MPZL3: variants seen among roughly 807,000 people sequenced by gnomAD.
MPZL3 encodes myelin protein zero-like protein 3.
In MPZL3, 23 loss-of-function variants were observed where a neutral mutation model predicts 24.8. The ratio of observed to expected loss-of-function variants is 0.93; its 90% CI spans 0.67 to 1.31. MPZL3 has a LOEUF of 1.31. Ranked by LOEUF, MPZL3 falls within the 40% of genes most tolerant of loss-of-function variation. The probability of loss-of-function intolerance (pLI) is 0.00; values close to 1 mark genes in which losing one functional copy is unlikely to be tolerated. For missense variants in MPZL3, 277 were observed against 294.9 expected (o/e 0.94, Z 0.44); for synonymous variants, 99 against 106.5 (o/e 0.93, Z 0.44).
intron 1 of MPZL3, among the ~76,000 whole-genome samples, chr11:118,242,247 T>A (rs1949506741): frequency 6.6e-6 from 1 of 152,192 alleles, no homozygotes; most frequent in Non-Finnish European, 1.5e-5. Context: ...ATGTCTTCAC[T>A]TGGAAAATGG....
At chr11:118,236,025 T>C (rs1477320972) in intron 3 of MPZL3, among the ~76,000 whole-genome samples, 5 of 152,226 alleles carry the variant, frequency 3.3e-5, no homozygotes, top group Non-Finnish European at 1.5e-5. Context: ...TTCAAGTTGG[T>C]TCGAATTCTT....
intron 5 of MPZL3, among the ~76,000 whole-genome samples, chr11:118,231,087 T>A (rs1439365874): frequency 6.6e-6 from 1 of 152,240 alleles, no homozygotes; most frequent in Non-Finnish European, 1.5e-5. Context: ...CTGCCTCCAA[T>A]GCATCTTTCT....
At chr11:118,236,652 C>A (rs199734739) in intron 3 of MPZL3, among the ~76,000 whole-genome samples, 1 of 152,228 alleles carries the variant, frequency 6.6e-6, no homozygotes, top group South Asian at 2.1e-4. Flanking sequence ...GAGGGGGTAC[C>A]CTTTCAAGAC....
In MPZL3 at chr11:118,235,549, G is replaced by T; in HGVS notation, c.492C>A (p.Ile164=). The T allele has an allele frequency of 6.2e-7, 1 of 1,613,970 alleles. No homozygotes were observed. Among genetic ancestry groups the T allele is most frequent in the Non-Finnish European group, 8.5e-7 (1 of 1,179,932 alleles). The change falls in exon 4 of 6, where the codon ATC becomes ATA. Residue 164 remains isoleucine, a synonymous_variant. Coordinates refer to ENST00000278949, the MANE Select transcript of MPZL3 (RefSeq NM_198275.3). ...CCACGGCTGAGGGCACAAAGACAAG[G>T]ATGGAAAGAAGGGCCACAGAGGAAA... ...TMLSSVALLS[I]LVFVPSAVVV...
chr11:118,231,703 A>G (rs111567382), intron 5 of MPZL3, among the ~76,000 whole-genome samples: 1 of 152,126 alleles, frequency 6.6e-6, no homozygotes, highest in Admixed American at 6.6e-5. Flanking sequence ...CCAAGTCAAG[A>G]ATCTTGGAAC....
At chr11:118,249,272 C>A (rs1410261299) in intron 1 of MPZL3, among the ~76,000 whole-genome samples, 1 of 152,142 alleles carries the variant, frequency 6.6e-6, no homozygotes, top group Admixed American at 6.5e-5. Context: ...GTGCTAGTTA[C>A]CCATGTGTGT....
chr11:118,246,081 C>T (rs1949553450), intron 1 of MPZL3, among the ~76,000 whole-genome samples: 1 of 152,330 alleles, frequency 6.6e-6, no homozygotes, highest in East Asian at 1.9e-4. Flanking sequence ...TACACACACA[C>T]ATACTCACTC....
intron 1 of MPZL3, among the ~76,000 whole-genome samples, chr11:118,247,515 C>T (rs1340041055): frequency 1.3e-5 from 2 of 152,166 alleles, no homozygotes; most frequent in African/African-American, 4.8e-5. Flanking sequence ...CTTTTGAGAG[C>T]CAATCACATC....
rs1226572066 is a variant in MPZL3 at position 118,243,771 on chromosome 11, CA to C, written c.74-3395del. On this transcript the variant is annotated intron_variant, in intron 1 of 5. Transcript: ENST00000278949. ...TGGGTGACTGAACGAGACTCTGTCT[CA>C]AAAAAAAAAAAAAACCTTTCTACTG... is the stretch of plus-strand genomic sequence containing the variant. Among the ~76,000 whole-genome samples, 374 of 116,758 alleles carry C rather than the reference CA, an allele frequency of 3.2e-3. 2 individuals are homozygous for C. Among genetic ancestry groups the C allele is most frequent in the Admixed American group, 5.4e-3 (61 of 11,362 alleles). The allele number at this position is 116,758 out of a possible 152,430, so 76.6% of individuals were successfully genotyped here. A position where few individuals can be genotyped will look rare whatever the true frequency, so the allele number is the denominator to read the frequency against.
At chr11:118,243,718 G>T (rs1172018463) in intron 1 of MPZL3, among the ~76,000 whole-genome samples, 1 of 151,314 alleles carries the variant, frequency 6.6e-6, no homozygotes, top group African/African-American at 2.4e-5. Flanking sequence ...GTTGCAGTGA[G>T]CTGAGATCAC....
chr11:118,230,791 G>T (rs1420607985), intron 5 of MPZL3, among the ~76,000 whole-genome samples: 1 of 151,830 alleles, frequency 6.6e-6, no homozygotes, highest in Non-Finnish European at 1.5e-5. Context: ...CATCTATTTG[G>T]CCTTCCCTAT....
chr11:118,230,005 G>T, intron 5 of MPZL3, 85 bp from the exon 6 acceptor site: 1 of 1,311,974 alleles, frequency 7.6e-7, no homozygotes, highest in Non-Finnish European at 1.1e-6. Flanking sequence ...CCTCCAAATG[G>T]AACCTGGCTT....
chr11:118,246,585 C>CTTTTTTTTTTTT (rs71301655), intron 1 of MPZL3, among the ~76,000 whole-genome samples: 2 of 123,282 alleles, frequency 1.6e-5, no homozygotes, highest in African/African-American at 3.3e-5. Flanking sequence ...TTTTTCTTTT[C>CTTTTTTTTTTTT]TTTTTTTTTT....
chr11:118,252,260 C>T lies in MPZL3; in HGVS notation c.35G>A (p.Cys12Tyr). 1.2e-6 allele frequency: 2 copies of T among 1,613,996 alleles called. No individual in the cohort carries two copies. The highest frequency in any genetic ancestry group is 1.7e-6 in the Non-Finnish European group (2 of 1,179,968). Reference protein sequence around the residue: ...QQRGAAGSRGCALFPLLGVLF... With the variant: ...QQRGAAGSRGYALFPLLGVLF... The stretch of plus-strand genomic sequence containing the variant: ...GACGCCCAGCAGAGGGAAGAGAGCG[C>T]AGCCACGGCTTCCAGCTGCTCCTCT... Residue 12 changes from cysteine (C) to tyrosine (Y), a missense_variant, in exon 1 of 6, where the codon TGC becomes TAC. Cys to Tyr is a radical substitution (Grantham distance 194, BLOSUM62 -2). Coordinates refer to ENST00000278949, the MANE Select transcript of MPZL3 (RefSeq NM_198275.3).
At chr11:118,239,228 G>C (rs1949463202) in intron 2 of MPZL3, among the ~76,000 whole-genome samples, 1 of 152,112 alleles carries the variant, frequency 6.6e-6, no homozygotes, top group Admixed American at 6.5e-5. Context: ...TGACCACTCA[G>C]AATCAAGTGA....
At chr11:118,251,598 T>G (rs1052889021) in intron 1 of MPZL3, among the ~76,000 whole-genome samples, 8 of 152,206 alleles carry the variant, frequency 5.3e-5, no homozygotes. Context: ...GTGAATACCC[T>G]ACTTCTGATA....
chr11:118,250,705 C>T (rs1186728916), intron 1 of MPZL3, among the ~76,000 whole-genome samples: 1 of 151,948 alleles, frequency 6.6e-6, no homozygotes, highest in Non-Finnish European at 1.5e-5. Flanking sequence ...CTCAGCCTCC[C>T]GAGTAGCTGG....
At chr11:118,246,434 C>CT (rs34345916) in intron 1 of MPZL3, among the ~76,000 whole-genome samples, 70,345 of 147,770 alleles carry the variant, frequency 0.48, 17,157 homozygotes, top group South Asian at 0.73. Flanking sequence ...TAATAATACC[C>CT]TTTTTTTTTT....
chr11:118,236,158 C>G (rs1949423225), intron 3 of MPZL3, among the ~76,000 whole-genome samples: 1 of 152,164 alleles, frequency 6.6e-6, no homozygotes, highest in Non-Finnish European at 1.5e-5. Flanking sequence ...TTTTAAGGCA[C>G]TGATTCATAC....
Sources: gnomAD v4.1 joint callset for allele counts (sites outside exome capture counted in the v4.1 genomes callset) on GRCh38, gnomAD v4.1.1 for gene constraint, MANE v1.5 for transcripts, NCBI Gene and HGNC (gene_info 2026-07-23, HGNC 2026-07-21) for gene names.